The following IQSEC1 variants were observed in gnomAD, a reference collection of about 807,000 sequenced individuals.
IQSEC1 encodes the protein IQ motif and Sec7 domain ArfGEF 1.
Under a neutral mutation model 91.0 loss-of-function variants are expected in IQSEC1, and 31 were observed. The observed-to-expected ratio is 0.34, with a 90% CI of 0.26 to 0.46. The LOEUF is 0.46. Among genes scored for constraint, IQSEC1 ranks in the 20% least tolerant of loss-of-function variants. The probability of loss-of-function intolerance (pLI) is 1.00; values close to 1 mark genes in which losing one functional copy is unlikely to be tolerated. For missense variants in IQSEC1, 1,388 were observed against 1,575.6 expected, an observed-to-expected ratio of 0.88 and a Z score of 2.02; for synonymous variants, 699 against 662.6, an observed-to-expected ratio of 1.05 and a Z score of -0.84.
chr3:13,116,423 G>A (rs1347395697), intron 2 of IQSEC1, among the ~76,000 whole-genome samples: 1 of 152,202 alleles, frequency 6.6e-6, no homozygotes, highest in Non-Finnish European at 1.5e-5. Flanking sequence ...AAAACAGACA[G>A]ACTAGAATAG....
At chr3:13,268,116 G>T (rs914978727) in intron 1 of IQSEC1, among the ~76,000 whole-genome samples, 1 of 152,214 alleles carries the variant, frequency 6.6e-6, no homozygotes, top group African/African-American at 2.4e-5. Context: ...GAAACACAGA[G>T]GCCAGGTTCT....
chr3:13,262,817 C>T (rs1695411937), intron 1 of IQSEC1, among the ~76,000 whole-genome samples: 1 of 152,216 alleles, frequency 6.6e-6, no homozygotes, highest in African/African-American at 2.4e-5. Context: ...CACAAAAGAA[C>T]AAATATTGCA....
intron 2 of IQSEC1, among the ~76,000 whole-genome samples, chr3:13,101,419 C>CAAAAAAAAAAAAAAAAAAAAAAAAAAAA (rs5846799): frequency 4.2e-5 from 5 of 119,492 alleles, no homozygotes; most frequent in African/African-American, 9.9e-5. Context: ...ATTCCATCTC[C>CAAAAAAAAAAAAAAAAAAAAAAAAAAAA]AAAAAAAAAA....
At chr3:12,923,765 C>T (rs1022808036) in intron 4 of IQSEC1, among the ~76,000 whole-genome samples, 5 of 152,258 alleles carry the variant, frequency 3.3e-5, no homozygotes, top group African/African-American at 4.8e-5. Flanking sequence ...CTGCTGCTCC[C>T]GGGCACCTTC....
Position 12,958,618 on chromosome 3 carries a change from A to G in IQSEC1, c.24-16753T>C, listed in dbSNP as rs549595689. On this transcript the variant is annotated intron_variant, in intron 1 of 13. Coordinates refer to ENST00000613206, the MANE Select transcript of IQSEC1 (RefSeq NM_001134382.3). Reference sequence around the variant, plus strand: ...GTGCTAGAGGGAGGTGAGCTGGCCAAAGAGGAAGAGGTCTGAAGGAACATA... The same window carrying G: ...GTGCTAGAGGGAGGTGAGCTGGCCAGAGAGGAAGAGGTCTGAAGGAACATA... Among the ~76,000 whole-genome samples the G allele has an allele frequency of 2.6e-3, 389 of 152,338 alleles. 4 individuals are homozygous for G. The highest frequency in any genetic ancestry group is 9.0e-3 in the African/African-American group (374 of 41,576).
At chr3:13,257,057 G>A (rs1695299931) in intron 1 of IQSEC1, among the ~76,000 whole-genome samples, 1 of 152,144 alleles carries the variant, frequency 6.6e-6, no homozygotes, top group Admixed American at 6.5e-5. Flanking sequence ...ACCTACCTCT[G>A]GTGCTGCCAT....
chr3:13,254,474 T>C (rs1351006000), intron 1 of IQSEC1, among the ~76,000 whole-genome samples: 1 of 152,126 alleles, frequency 6.6e-6, no homozygotes, highest in Non-Finnish European at 1.5e-5. Context: ...TGAGCAGAGG[T>C]TGGTCCAAAC....
intron 1 of IQSEC1, among the ~76,000 whole-genome samples, chr3:13,208,405 G>A (rs114203025): frequency 2.6e-5 from 4 of 152,066 alleles, no homozygotes; most frequent in Non-Finnish European, 5.9e-5. Context: ...CATTGGCCAC[G>A]TCTCCATGCC....
chr3:13,093,847 T>A (rs1705910983), intron 2 of IQSEC1, among the ~76,000 whole-genome samples: 1 of 152,266 alleles, frequency 6.6e-6, no homozygotes, highest in Admixed American at 6.5e-5. Flanking sequence ...ACCCTCTAGG[T>A]CCAGGGATGT....
At chr3:13,010,571 C>T (rs1475987834) in intron 1 of IQSEC1, among the ~76,000 whole-genome samples, 3 of 152,204 alleles carry the variant, frequency 2.0e-5, no homozygotes, top group Non-Finnish European at 2.9e-5. Context: ...AAGAGGCCGG[C>T]GTCTGGGGTC....
At chr3:13,131,478 C>CTTT (rs61345195) in intron 2 of IQSEC1, among the ~76,000 whole-genome samples, 14 of 81,710 alleles carry the variant, frequency 1.7e-4, no homozygotes, top group South Asian at 5.0e-4. Context: ...AAATCTATGT[C>CTTT]TTTTTTTTTT....
At chr3:13,123,357 C>T (rs1361132764) in intron 2 of IQSEC1, among the ~76,000 whole-genome samples, 1 of 152,234 alleles carries the variant, frequency 6.6e-6, no homozygotes, top group Non-Finnish European at 1.5e-5. Context: ...AAGACATTAA[C>T]AGCCCCACTG....
At chr3:12,946,742 C>G (rs1202891381) in intron 1 of IQSEC1, among the ~76,000 whole-genome samples, 2 of 152,110 alleles carry the variant, frequency 1.3e-5, no homozygotes, top group Middle Eastern at 6.8e-3. Flanking sequence ...ATGATGTGGC[C>G]GAGAAGCCAG....
chr3:13,064,633 G>A (rs745412376), intron 1 of IQSEC1, among the ~76,000 whole-genome samples: 1 of 152,214 alleles, frequency 6.6e-6, no homozygotes, highest in East Asian at 1.9e-4. Context: ...GCTGAGCTCC[G>A]AACATATCAG....
At chr3:13,201,634 G>A (rs530572207) in intron 1 of IQSEC1, among the ~76,000 whole-genome samples, 45 of 152,300 alleles carry the variant, frequency 3.0e-4, no homozygotes, top group South Asian at 6.2e-4. Flanking sequence ...CTTAGCCACC[G>A]TGCCCAGACT....
chr3:13,100,829 A>G (rs548302819), intron 2 of IQSEC1, among the ~76,000 whole-genome samples: 1 of 148,710 alleles, frequency 6.7e-6, no homozygotes, highest in Admixed American at 6.7e-5. Flanking sequence ...CGTCGGGGGG[A>G]CCGACAGGAA....
At chr3:13,045,891 A>G (rs1704476393) in intron 1 of IQSEC1, among the ~76,000 whole-genome samples, 1 of 152,210 alleles carries the variant, frequency 6.6e-6, no homozygotes, top group Admixed American at 6.5e-5. Flanking sequence ...TACCAGTGTG[A>G]GCCCGCAAGC....
Position 13,197,336 on chromosome 3 carries a change from G to A in IQSEC1, c.273-33203C>T, listed in dbSNP as rs186430705. On this transcript the variant is annotated intron_variant, in intron 1 of 15. Coordinates refer to the IQSEC1 transcript ENST00000648114. The stretch of plus-strand genomic sequence containing the variant: ...TTCATAAACGGCAGATGCATGGCCA[G>A]GGGCGCTGGAGGGTGGGGTGCTCCC... 3.9e-5 allele frequency among the ~76,000 whole-genome samples: 6 copies of A among 152,342 alleles called. No individual in the cohort carries two copies. In the East Asian group the frequency reaches 1.2e-3, roughly 29 times the overall value.
intron 1 of IQSEC1, among the ~76,000 whole-genome samples, chr3:13,222,140 A>G (rs1261710822): frequency 3.6e-5 from 1 of 27,410 alleles, no homozygotes; most frequent in African/African-American, 1.5e-4. Context: ...ACGAACCCCC[A>G]GCCCCCCTCC....
Sources: gnomAD v4.1 joint callset for allele counts (sites outside exome capture counted in the v4.1 genomes callset) on GRCh38, gnomAD v4.1.1 for gene constraint, MANE v1.5 for transcripts, NCBI Gene and HGNC (gene_info 2026-07-23, HGNC 2026-07-21) for gene names.